Variants in EPHB1 observed in about 807,000 individuals in gnomAD.
EPHB1 encodes the protein ephrin type-B receptor 1.
EPHB1 carries 30 observed loss-of-function variants against 94.4 expected under a neutral mutation model. That is an observed-to-expected ratio of 0.32 (90% CI 0.24 to 0.43). The LOEUF (loss-of-function observed/expected upper bound fraction) is 0.43. Ranked by LOEUF, EPHB1 falls within the 20% of genes least tolerant of loss-of-function variation. The probability of loss-of-function intolerance (pLI) is 1.00; values close to 1 mark genes in which losing one functional copy is unlikely to be tolerated. For synonymous variants in EPHB1, 522 were observed against 489.1 expected (o/e 1.07, Z -0.89); for missense variants, 1,055 against 1,308.3 (o/e 0.81, Z 2.99).
chr3:135,225,486 A>G lies in EPHB1; in HGVS notation c.2347-15662A>G, dbSNP rs145663871. Among the ~76,000 whole-genome samples, 469 of 152,322 alleles carry G rather than the reference A, an allele frequency of 3.1e-3. 1 individual carries two copies. The highest frequency in any genetic ancestry group is 9.5e-3 in the African/African-American group (396 of 41,574). ...TCTAACCTTGGGAGACCATGGCATT[A>G]GAGAAAATGGAAATTGTTTGCGAGG... On this transcript the variant is annotated intron_variant, in intron 12 of 15. Coordinates refer to ENST00000398015, the MANE Select transcript of EPHB1 (RefSeq NM_004441.5).
intron 1 of EPHB1, among the ~76,000 whole-genome samples, chr3:134,823,651 A>C (rs953833994): frequency 6.6e-6 from 1 of 152,112 alleles, no homozygotes; most frequent in African/African-American, 2.4e-5. Flanking sequence ...GTTTCTTTCT[A>C]CTCTTCCCAT....
At chr3:135,219,859 C>T (rs1363919018) in intron 12 of EPHB1, among the ~76,000 whole-genome samples, 2 of 152,146 alleles carry the variant, frequency 1.3e-5, no homozygotes, top group African/African-American at 4.8e-5. Flanking sequence ...CCCATGCACC[C>T]AGACTAATAG....
intron 1 of EPHB1, among the ~76,000 whole-genome samples, chr3:134,824,624 G>A (rs1385249823): frequency 6.6e-6 from 1 of 152,166 alleles, no homozygotes; most frequent in African/African-American, 2.4e-5. Context: ...TTGATGACTT[G>A]CTTGACCAGT....
intron 2 of EPHB1, among the ~76,000 whole-genome samples, chr3:134,933,166 T>G (rs1382234616): frequency 1.3e-5 from 2 of 152,194 alleles, no homozygotes; most frequent in East Asian, 3.8e-4. Flanking sequence ...CTTTTCTCTC[T>G]GTCTTCCCAT....
At chr3:135,161,723 G>A (rs1941511950) in intron 6 of EPHB1, among the ~76,000 whole-genome samples, 1 of 152,182 alleles carries the variant, frequency 6.6e-6, no homozygotes, top group African/African-American at 2.4e-5. Flanking sequence ...AACCCTTGGG[G>A]AGGAGGACTA....
chr3:135,064,904 C>A (rs1937561557), intron 3 of EPHB1, among the ~76,000 whole-genome samples: 2 of 152,086 alleles, frequency 1.3e-5, no homozygotes, highest in Non-Finnish European at 2.9e-5. Flanking sequence ...TAGGTTGTGT[C>A]ACCATTGTCC....
intron 3 of EPHB1, among the ~76,000 whole-genome samples, chr3:135,104,109 TC>T: frequency 6.6e-6 from 1 of 152,090 alleles, no homozygotes; most frequent in East Asian, 1.9e-4. Context: ...CCTCTACCCC[TC>T]CCCCACTCTC....
At chr3:135,088,912 C>A (rs553922638) in intron 3 of EPHB1, among the ~76,000 whole-genome samples, 4 of 152,300 alleles carry the variant, frequency 2.6e-5, no homozygotes, top group Non-Finnish European at 4.4e-5. Flanking sequence ...TTTAATTGAG[C>A]AGTTATTTCA....
intron 3 of EPHB1, among the ~76,000 whole-genome samples, chr3:135,094,225 C>T (rs1249701381): frequency 6.6e-6 from 1 of 152,214 alleles, no homozygotes; most frequent in Non-Finnish European, 1.5e-5. Context: ...CTGCTGTGAA[C>T]CTGCTCTGTC....
intron 3 of EPHB1, among the ~76,000 whole-genome samples, chr3:134,959,414 C>T (rs950971714): frequency 2.0e-5 from 3 of 152,334 alleles, no homozygotes; most frequent in African/African-American, 2.4e-5. Context: ...ACTTCTGAGA[C>T]TGGCTTTTGC....
intron 3 of EPHB1, among the ~76,000 whole-genome samples, chr3:134,955,090 T>TTTTTTTTTTA: frequency 3.0e-5 from 1 of 33,468 alleles, no homozygotes; most frequent in African/African-American, 2.3e-4. Context: ...TTTTTTTTTT[T>TTTTTTTTTTA]TTTTTTTTTT....
At chr3:134,833,008 A>G (rs1356363263) in intron 1 of EPHB1, among the ~76,000 whole-genome samples, 1 of 152,068 alleles carries the variant, frequency 6.6e-6, no homozygotes, top group East Asian at 1.9e-4. Context: ...TTATAAATGA[A>G]TTTTTTTCTG....
At chr3:135,216,081 A>G (rs1029203293) in intron 12 of EPHB1, among the ~76,000 whole-genome samples, 2 of 152,280 alleles carry the variant, frequency 1.3e-5, no homozygotes, top group South Asian at 2.1e-4. Flanking sequence ...CCCAGACCAC[A>G]CTTGGGCTCC....
At chr3:134,915,219 A>G (rs566106665) in intron 1 of EPHB1, among the ~76,000 whole-genome samples, 1 of 152,328 alleles carries the variant, frequency 6.6e-6, no homozygotes, top group East Asian at 1.9e-4. Flanking sequence ...GTACCTCACA[A>G]TGCAGCCTTA....
At chr3:135,129,742 T>C (rs964254653) in intron 4 of EPHB1, among the ~76,000 whole-genome samples, 4 of 152,184 alleles carry the variant, frequency 2.6e-5, no homozygotes, top group African/African-American at 7.2e-5. Flanking sequence ...TCATGACTGC[T>C]GGGCCTCAGG....
At chr3:135,076,727 G>A (rs571472043) in intron 3 of EPHB1, among the ~76,000 whole-genome samples, 34 of 152,336 alleles carry the variant, frequency 2.2e-4, no homozygotes, top group Non-Finnish European at 7.3e-5. Flanking sequence ...TAAACAAAAT[G>A]TGGTATATCC....
In EPHB1 at chr3:135,013,471, C is replaced by G. The variant is rs185336442; in HGVS notation, c.805+61419C>G. ...ACCGCATACCGAGGAATCCGTATGT[C>G]GGAAGACACATCTGGGAGAGTTAGC... On this transcript the variant is annotated intron_variant, in intron 3 of 15. Coordinates refer to ENST00000398015, the MANE Select transcript of EPHB1 (RefSeq NM_004441.5). Among the ~76,000 whole-genome samples the G allele has an allele frequency of 2.0e-3, 312 of 152,272 alleles. 4 individuals carry two copies. Among genetic ancestry groups the G allele is most frequent in the Admixed American group, 0.016 (248 of 15,298 alleles).
chr3:134,889,000 A>G (rs947925899), intron 1 of EPHB1, among the ~76,000 whole-genome samples: 24 of 152,206 alleles, frequency 1.6e-4, no homozygotes, highest in Admixed American at 1.0e-3. Flanking sequence ...CTGAGGACTC[A>G]GAGGTGGGCT....
intron 2 of EPHB1, among the ~76,000 whole-genome samples, chr3:134,926,143 G>T (rs1278106109): frequency 6.6e-6 from 1 of 152,214 alleles, no homozygotes; most frequent in East Asian, 1.9e-4. Flanking sequence ...CGCTGTGTGG[G>T]GATGGGGGCA....
Sources: gnomAD v4.1 joint callset for allele counts (sites outside exome capture counted in the v4.1 genomes callset) on GRCh38, gnomAD v4.1.1 for gene constraint, MANE v1.5 for transcripts, NCBI Gene and HGNC (gene_info 2026-07-23, HGNC 2026-07-21) for gene names.